Variants in DLC1 observed in about 807,000 individuals in gnomAD.
DLC1 encodes the protein rho GTPase-activating protein 7.
In DLC1, 54 loss-of-function variants were observed where a neutral mutation model predicts 140.3. That is an observed-to-expected ratio of 0.38 (90% CI 0.31 to 0.48). The LOEUF is 0.48. DLC1 is among the 20% of genes least tolerant of loss of function. The pLI, the probability that DLC1 is intolerant of heterozygous loss-of-function variation, is 0.96. For synonymous variants in DLC1, 986 were observed against 728.1 expected (o/e 1.35, Z -5.70); for missense variants, 2,536 against 1,907.0 (o/e 1.33, Z -6.14).
At chr8:13,430,774 G>A (rs1838827094) in intron 2 of DLC1, among the ~76,000 whole-genome samples, 1 of 152,100 alleles carries the variant, frequency 6.6e-6, no homozygotes, top group South Asian at 2.1e-4. Flanking sequence ...AAAGCAAAAT[G>A]TTTATAAATC....
chr8:13,570,708 G>A (rs1257820185), intron 1 of DLC1, among the ~76,000 whole-genome samples: 1 of 151,852 alleles, frequency 6.6e-6, no homozygotes, highest in Non-Finnish European at 1.5e-5. Flanking sequence ...TTGGACATTT[G>A]CGTTGGTTCT....
intron 5 of DLC1, among the ~76,000 whole-genome samples, chr8:13,193,832 G>C (rs1563154065): frequency 6.6e-6 from 1 of 152,098 alleles, no homozygotes; most frequent in Non-Finnish European, 1.5e-5. Flanking sequence ...AGTACTCATT[G>C]GATTTCAACC....
chr8:13,578,613 C>T (rs1804930936), intron 1 of DLC1, among the ~76,000 whole-genome samples: 1 of 152,160 alleles, frequency 6.6e-6, no homozygotes, highest in Admixed American at 6.5e-5. Context: ...GTTCCCAGGA[C>T]CCTCTCCTCA....
At chr8:13,537,513 G>T (rs543386404) in intron 1 of DLC1, among the ~76,000 whole-genome samples, 1 of 152,154 alleles carries the variant, frequency 6.6e-6, no homozygotes, top group African/African-American at 2.4e-5. Flanking sequence ...TAAGGTTTCA[G>T]TGTAAAAGCT....
intron 5 of DLC1, among the ~76,000 whole-genome samples, chr8:13,263,393 A>G (rs1025909457): frequency 6.6e-6 from 1 of 152,144 alleles, no homozygotes; most frequent in Admixed American, 6.5e-5. Context: ...TTATGTTATT[A>G]TCATCTTTAA....
intron 5 of DLC1, among the ~76,000 whole-genome samples, chr8:13,171,983 G>A (rs1825510603): frequency 6.6e-6 from 1 of 151,874 alleles, no homozygotes; most frequent in African/African-American, 2.4e-5. Flanking sequence ...AATGGGCTCA[G>A]CACCAAGACT....
chr8:13,173,564 G>A (rs1172779561), intron 5 of DLC1, among the ~76,000 whole-genome samples: 1 of 152,090 alleles, frequency 6.6e-6, no homozygotes, highest in African/African-American at 2.4e-5. Context: ...CAGATACGGG[G>A]TTTCACTTTG....
chr8:13,347,643 T>C (rs1834413299), intron 4 of DLC1, among the ~76,000 whole-genome samples: 1 of 152,218 alleles, frequency 6.6e-6, no homozygotes, highest in South Asian at 2.1e-4. Context: ...CTGTAGTTTT[T>C]TTCTGGTCAC....
chr8:13,138,513 C>T (rs1348160560), intron 5 of DLC1, among the ~76,000 whole-genome samples: 1 of 152,226 alleles, frequency 6.6e-6, no homozygotes, highest in Non-Finnish European at 1.5e-5. Context: ...AAATAACAGA[C>T]TCCTCTGCAC....
Position 13,309,651 on chromosome 8 carries a change from C to T in DLC1, c.1315-4349G>A, listed in dbSNP as rs1832590592. ...GGGAAATGCTGATTTTGACATGCCA[C>T]ATGGAAATGTTCTAAACATATGTTG... On this transcript the variant is annotated intron_variant, in intron 4 of 17. Transcript: ENST00000276297. 2.0e-5 allele frequency among the ~76,000 whole-genome samples: 3 copies of T among 152,174 alleles called. No homozygotes were observed. In the South Asian group the frequency reaches 6.2e-4, roughly 32 times the overall value.
At chr8:13,572,544 A>G (rs958988986) in intron 1 of DLC1, among the ~76,000 whole-genome samples, 1 of 152,162 alleles carries the variant, frequency 6.6e-6, no homozygotes, top group Non-Finnish European at 1.5e-5. Flanking sequence ...TGTCATATGT[A>G]AGAAATCATC....
At chr8:13,324,806 C>A (rs1243634336) in intron 4 of DLC1, among the ~76,000 whole-genome samples, 4 of 152,070 alleles carry the variant, frequency 2.6e-5, no homozygotes, top group African/African-American at 9.7e-5. Context: ...TTTAAGCCAA[C>A]CAAAATGCAA....
chr8:13,517,149 T>A (rs936111366), upstream of DLC1, among the ~76,000 whole-genome samples: 1 of 152,190 alleles, frequency 6.6e-6, no homozygotes, highest in Non-Finnish European at 1.5e-5. Context: ...GAATGAGAAC[T>A]GATATTATGT....
chr8:13,100,636 T>G lies in DLC1; in HGVS notation c.1701A>C (p.Pro567=), dbSNP rs61757612. The part of the protein sequence containing the change: ...SPKQDLVPGS[P]DDSHPKDGPS... The stretch of plus-strand genomic sequence containing the variant: ...GGCCGTCCTTCGGGTGGGAGTCGTC[T>G]GGGGACCCAGGGACCAGGTCTTGTT... Residue 567 remains proline (P), a synonymous_variant, in exon 9 of 18, where the codon CCA becomes CCC. Coordinates refer to ENST00000276297, the MANE Select transcript of DLC1 (RefSeq NM_182643.3). 68,891 of 1,614,012 alleles carry G rather than the reference T, an allele frequency of 0.043. 1,740 individuals carry two copies. The highest frequency in any genetic ancestry group is 0.05 in the Non-Finnish European group (59,086 of 1,179,908).
At chr8:13,309,009 A>C (rs1390197708) in intron 4 of DLC1, among the ~76,000 whole-genome samples, 1 of 152,188 alleles carries the variant, frequency 6.6e-6, no homozygotes, top group Non-Finnish European at 1.5e-5. Context: ...TTTTGGAACT[A>C]AAACACCGAA....
At chr8:13,265,285 A>G (rs754852299) in intron 5 of DLC1, among the ~76,000 whole-genome samples, 5 of 152,214 alleles carry the variant, frequency 3.3e-5, no homozygotes, top group Non-Finnish European at 7.3e-5. Flanking sequence ...CACAAGGACA[A>G]ATTATACATT....
intron 4 of DLC1, among the ~76,000 whole-genome samples, chr8:13,321,579 G>C (rs17193079): frequency 5.6e-5 from 8 of 143,940 alleles, no homozygotes; most frequent in Non-Finnish European, 1.2e-4. Context: ...AACCTAAACA[G>C]TTTAGAGCAT....
intron 5 of DLC1, among the ~76,000 whole-genome samples, chr8:13,191,696 G>A (rs1243520143): frequency 6.6e-6 from 1 of 152,054 alleles, no homozygotes; most frequent in Admixed American, 6.6e-5. Flanking sequence ...CTAAATCTAT[G>A]GGACAAACCA....
intron 4 of DLC1, among the ~76,000 whole-genome samples, chr8:13,364,025 G>C (rs1011538058): frequency 6.6e-6 from 1 of 152,144 alleles, no homozygotes; most frequent in Admixed American, 6.6e-5. Context: ...GGAGAGGTAG[G>C]GGTGTGTGTG....
Sources: allele counts gnomAD v4.1 joint callset (sites outside exome capture counted in the v4.1 genomes callset), GRCh38; gene constraint gnomAD v4.1.1; transcripts MANE v1.5; gene names NCBI Gene and HGNC (gene_info 2026-07-23, HGNC 2026-07-21).